Variants in TM2D1 observed in about 807,000 individuals in gnomAD.
TM2D1 encodes TM2 domain containing 1.
Under a neutral mutation model 28.4 loss-of-function variants are expected in TM2D1, and 15 were observed. That is an observed-to-expected ratio of 0.53 (90% CI 0.35 to 0.81). TM2D1 has a LOEUF of 0.81. Ranked by LOEUF, TM2D1 falls within the 40% of genes least tolerant of loss-of-function variation. The pLI is 0.01. For missense variants in TM2D1, 236 were observed against 254.9 expected (o/e 0.93, Z 0.50); for synonymous variants, 93 against 96.2 (o/e 0.97, Z 0.20).
rs1388792278 is a variant in TM2D1, at chr1:61,700,197, C to T, written c.439+737G>A. On this transcript the variant is annotated intron_variant, in intron 4 of 6. Transcript: ENST00000606498. The stretch of plus-strand genomic sequence containing the variant: ...CCTATCCATAAAACAAAGATGATAA[C>T]AACAAATATGTCACAGAATAAAGGA... The T allele has an allele frequency of 6.5e-6, 10 of 1,536,988 alleles. No homozygotes were observed. In the South Asian group the frequency reaches 1.1e-4, roughly 17 times the overall value.
intron 2 of TM2D1, among the ~76,000 whole-genome samples, chr1:61,711,041 A>G (rs1472152836): frequency 1.3e-5 from 2 of 152,212 alleles, no homozygotes; most frequent in Non-Finnish European, 1.5e-5. Flanking sequence ...TTAATAAAAC[A>G]AAGGGCGGTC....
At chr1:61,690,456 C>CAAAAAAAAAAAAAAAAAAAAAAAAAAAA (rs762550068) in intron 5 of TM2D1, among the ~76,000 whole-genome samples, 3 of 60,032 alleles carry the variant, frequency 5.0e-5, no homozygotes, top group Non-Finnish European at 5.9e-5. Context: ...GACTCAGTCT[C>CAAAAAAAAAAAAAAAAAAAAAAAAAAAA]AAAAAAAAAA....
chr1:61,709,239 T>A (rs922274214), intron 3 of TM2D1, 90 bp downstream of exon 3: 8 of 768,706 alleles, frequency 1.0e-5, no homozygotes, highest in Admixed American at 2.5e-5. Flanking sequence ...ATTTTCAGGA[T>A]AGTCCCCATA....
chr1:61,712,179 A>T (rs993513376), intron 2 of TM2D1, among the ~76,000 whole-genome samples: 2 of 152,148 alleles, frequency 1.3e-5, no homozygotes. Flanking sequence ...ACTCATAAAC[A>T]TCCTACAGTG....
At chr1:61,720,706 GTAAAT>G (rs1428123219) in intron 2 of TM2D1, among the ~76,000 whole-genome samples, 27 of 152,120 alleles carry the variant, frequency 1.8e-4, no homozygotes, top group African/African-American at 5.8e-4. Context: ...TCTTAATAAA[GTAAAT>G]TTAGTTTTAA....
chr1:61,715,311 G>C (rs1315823074), intron 2 of TM2D1, among the ~76,000 whole-genome samples: 2 of 152,076 alleles, frequency 1.3e-5, no homozygotes, highest in Non-Finnish European at 1.5e-5. Flanking sequence ...AAACCTCTCT[G>C]AATCGTGTTT....
At chr1:61,698,241 A>G (rs1000422467) in intron 4 of TM2D1, 1 of 152,164 alleles carries the variant, frequency 6.6e-6, no homozygotes, top group African/African-American at 2.4e-5. Flanking sequence ...CTTGCCTAAG[A>G]CAGATAAGGC....
Position 61,725,129 on chromosome 1 carries a change from C to T in TM2D1, c.-9G>A. 2 of 1,613,442 alleles carry T rather than the reference C, an allele frequency of 1.2e-6. No homozygotes were observed. Among genetic ancestry groups the T allele is most frequent in the South Asian group, 2.2e-5 (2 of 91,072 alleles). On this transcript the variant is annotated 5_prime_UTR_variant, in exon 1 of 7. Coordinates refer to ENST00000606498, the MANE Select transcript of TM2D1 (RefSeq NM_032027.3). ...GGCCAGGCGGCCGCCATCTTGGAGA[C>T]CGACACTTTCTCGCCACTTCCGCTT... is the stretch of plus-strand genomic sequence containing the variant.
chr1:61,702,539 T>C (rs1644409475), intron 3 of TM2D1, among the ~76,000 whole-genome samples: 1 of 150,682 alleles, frequency 6.6e-6, no homozygotes, highest in Non-Finnish European at 1.5e-5. Flanking sequence ...TGGCTAATTT[T>C]TGTATTTTTG....
intron 5 of TM2D1, among the ~76,000 whole-genome samples, chr1:61,687,550 T>C (rs1265586798): frequency 6.6e-6 from 1 of 151,994 alleles, no homozygotes; most frequent in Non-Finnish European, 1.5e-5. Context: ...CTACTAAGAA[T>C]AAAGGAAAAA....
chr1:61,712,657 C>T (rs536186600), intron 2 of TM2D1, among the ~76,000 whole-genome samples: 88 of 152,124 alleles, frequency 5.8e-4, no homozygotes, highest in Non-Finnish European at 1.1e-3. Context: ...GTAATTCACC[C>T]GCCTCAGTCT....
At chr1:61,718,458 T>A (rs1644538007) in intron 2 of TM2D1, among the ~76,000 whole-genome samples, 1 of 152,208 alleles carries the variant, frequency 6.6e-6, no homozygotes, top group African/African-American at 2.4e-5. Context: ...TTTTATGGAA[T>A]GAGGTGTTGA....
At chr1:61,704,521 TC>T (rs1432497900) in intron 3 of TM2D1, among the ~76,000 whole-genome samples, 1 of 152,060 alleles carries the variant, frequency 6.6e-6, no homozygotes, top group Non-Finnish European at 1.5e-5. Context: ...AACCTCCACC[TC>T]CTGGGTTCAA....
chr1:61,700,009 G>C, intron 4 of TM2D1: 1 of 928,588 alleles, frequency 1.1e-6, no homozygotes, highest in Admixed American at 4.3e-5. Context: ...CTAGCTAGTA[G>C]GCAGAGCATT....
At chr1:61,691,238 G>T (rs929724129) in intron 5 of TM2D1, among the ~76,000 whole-genome samples, 1 of 152,090 alleles carries the variant, frequency 6.6e-6, no homozygotes, top group African/African-American at 2.4e-5. Context: ...GCTCACACTT[G>T]TAATCCCAGC....
intron 1 of TM2D1, 69 bp from the exon 2 acceptor site, chr1:61,723,855 A>C: frequency 1.4e-6 from 1 of 728,406 alleles, no homozygotes; most frequent in Non-Finnish European, 2.3e-6. Flanking sequence ...TTTACTATTC[A>C]TATTATATAC....
At chr1:61,714,523 A>T (rs1256540178) in intron 2 of TM2D1, among the ~76,000 whole-genome samples, 3 of 152,084 alleles carry the variant, frequency 2.0e-5, no homozygotes, top group African/African-American at 7.2e-5. Context: ...CCTGGGTGAC[A>T]CAGCAAGACT....
chr1:61,696,934 T>C (rs1469846767), intron 4 of TM2D1, among the ~76,000 whole-genome samples: 2 of 151,996 alleles, frequency 1.3e-5, no homozygotes, highest in Admixed American at 6.6e-5. Context: ...TTTTTTTTTT[T>C]CTCATACCTC....
At chr1:61,717,479 T>A (rs1644530750) in intron 2 of TM2D1, among the ~76,000 whole-genome samples, 2 of 152,238 alleles carry the variant, frequency 1.3e-5, no homozygotes, top group African/African-American at 4.8e-5. Flanking sequence ...CAAAAAGGTT[T>A]GGTTCTGACC....
Sources: gnomAD v4.1 joint callset for allele counts (sites outside exome capture counted in the v4.1 genomes callset) on GRCh38, gnomAD v4.1.1 for gene constraint, MANE v1.5 for transcripts, NCBI Gene and HGNC (gene_info 2026-07-23, HGNC 2026-07-21) for gene names.